CALCR: variants seen among roughly 807,000 people sequenced by gnomAD.
CALCR encodes calcitonin receptor.
CALCR carries 47 observed loss-of-function variants against 59.5 expected under a neutral mutation model. The observed-to-expected ratio is 0.79, with a 90% CI of 0.63 to 1.01. The LOEUF is 1.01. Among genes scored for constraint, CALCR ranks in the 50% least tolerant of loss-of-function variants. The pLI is 0.00. For missense variants in CALCR, 566 were observed against 597.1 expected (o/e 0.95, Z 0.54); for synonymous variants, 213 against 211.3 (o/e 1.01, Z -0.07).
chr7:93,567,095 A>G (rs1229986785), intron 2 of CALCR, among the ~76,000 whole-genome samples: 1 of 152,226 alleles, frequency 6.6e-6, no homozygotes, highest in Non-Finnish European at 1.5e-5. Flanking sequence ...ACTGAATGCT[A>G]TGTTCTGAAT....
At chr7:93,466,295 T>C (rs944838189) in intron 7 of CALCR, among the ~76,000 whole-genome samples, 5 of 151,978 alleles carry the variant, frequency 3.3e-5, no homozygotes, top group African/African-American at 1.2e-4. Context: ...GAAAAAAAAT[T>C]CTGGAAAAAA....
chr7:93,496,086 T>C (rs1584584122), intron 2 of CALCR: 2 of 602,082 alleles, frequency 3.3e-6, no homozygotes, highest in South Asian at 2.3e-5. Flanking sequence ...ATCTTTATTT[T>C]TTGTGGAAAG....
At chr7:93,464,472 C>T (rs551158714) in intron 7 of CALCR, among the ~76,000 whole-genome samples, 16 of 151,822 alleles carry the variant, frequency 1.1e-4, no homozygotes, top group East Asian at 1.9e-4. Flanking sequence ...CCTAGGATCA[C>T]GTGTTATTCA....
At chr7:93,428,827 A>T (rs1385916411) in intron 13 of CALCR, among the ~76,000 whole-genome samples, 1 of 151,520 alleles carries the variant, frequency 6.6e-6, no homozygotes, top group Non-Finnish European at 1.5e-5. Flanking sequence ...ATTTCCACGG[A>T]TTCAGCATCT....
At chr7:93,456,340 G>A (rs1386914238) in intron 8 of CALCR, among the ~76,000 whole-genome samples, 16 of 151,926 alleles carry the variant, frequency 1.1e-4, no homozygotes. Flanking sequence ...TGTTATTGGT[G>A]GCTTGTTTTC....
At chr7:93,522,066 A>G (rs1435548583) in intron 2 of CALCR, among the ~76,000 whole-genome samples, 1 of 152,156 alleles carries the variant, frequency 6.6e-6, no homozygotes, top group Non-Finnish European at 1.5e-5. Context: ...ATGTAAATGA[A>G]ACAATTTGTG....
Position 93,431,997 on chromosome 7 carries a change from T to C in CALCR, c.1191+2256A>G, listed in dbSNP as rs74543633. Among the ~76,000 whole-genome samples, 573 of 152,304 alleles carry C rather than the reference T, an allele frequency of 3.8e-3. 3 individuals are homozygous for C. The highest frequency in any genetic ancestry group is 7.0e-3 in the Non-Finnish European group (479 of 68,014). ...AATGTCCACTCACTTGGAAGAGTCA[T>C]TGTAGGAAATGCTTGATACATAAGC... On this transcript the variant is annotated intron_variant, in intron 13 of 13. Coordinates refer to ENST00000426151, the MANE Select transcript of CALCR (RefSeq NM_001742.4).
intron 2 of CALCR, among the ~76,000 whole-genome samples, chr7:93,514,404 T>C (rs1243316519): frequency 6.6e-6 from 1 of 152,002 alleles, no homozygotes; most frequent in African/African-American, 2.4e-5. Flanking sequence ...ATATGAAGGA[T>C]CCATGCTGAG....
In CALCR at chr7:93,460,568, A is replaced by ATAT. The variant is rs1205349964; in HGVS notation, c.648+252_648+253insATA. On this transcript the variant is annotated intron_variant, in intron 8 of 13. Coordinates refer to ENST00000426151, the MANE Select transcript of CALCR (RefSeq NM_001742.4). The stretch of plus-strand genomic sequence containing the variant: ...GAGACTCTATCTAAAAAAAAAAAAA[A>ATAT]AAAAATATATATATATATATATATG... Among the ~76,000 whole-genome samples the ATAT allele has an allele frequency of 3.0e-3, 241 of 79,914 alleles. 1 individual carries two copies. Among genetic ancestry groups the ATAT allele is most frequent in the African/African-American group, 5.8e-3 (64 of 10,976 alleles). The allele number at this position is 79,914 out of a possible 152,430, so 52.4% of individuals were successfully genotyped here.
At chr7:93,463,308 A>G (rs1465165590) in intron 7 of CALCR, among the ~76,000 whole-genome samples, 5 of 151,848 alleles carry the variant, frequency 3.3e-5, no homozygotes, top group African/African-American at 7.2e-5. Context: ...CTATATAAAA[A>G]TATATATATT....
intron 2 of CALCR, among the ~76,000 whole-genome samples, chr7:93,543,581 T>C (rs1563014572): frequency 6.6e-6 from 1 of 152,116 alleles, no homozygotes; most frequent in Non-Finnish European, 1.5e-5. Context: ...TCAGCTCCAT[T>C]ATAATCTTAT....
chr7:93,549,060 T>G (rs1302565067), intron 2 of CALCR, among the ~76,000 whole-genome samples: 1 of 152,166 alleles, frequency 6.6e-6, no homozygotes, highest in Admixed American at 6.6e-5. Context: ...GGAAATATAG[T>G]TAAAGCACAT....
chr7:93,574,484 C>G lies in CALCR; in HGVS notation c.-222G>C, dbSNP rs1400490082. The G allele has an allele frequency of 6.6e-6, 1 of 152,190 alleles. No homozygotes were observed. The highest frequency in any genetic ancestry group is 1.5e-5 in the Non-Finnish European group (1 of 68,066). 9.4% of individuals were successfully genotyped at this position (152,190 alleles called of 1,614,324 possible). ...CGCCAGCCGCGCGGCGCAGCCCACC[C>G]AGACGCTGGTGGGCTGGCTTTCCTA... On this transcript the variant is annotated 5_prime_UTR_variant, in exon 2 of 14. Coordinates refer to ENST00000426151, the MANE Select transcript of CALCR (RefSeq NM_001742.4).
chr7:93,424,653 A>AC lies in CALCR; in HGVS notation c.*1702dup, dbSNP rs1799484959. 1.3e-5 allele frequency: 2 copies of AC among 152,558 alleles called. No homozygotes were observed. The highest frequency in any genetic ancestry group is 6.6e-5 in the Admixed American group (1 of 15,266). The allele number at this position is 152,558 out of a possible 1,614,324, so 9.5% of individuals were successfully genotyped here. A position where few individuals can be genotyped will look rare whatever the true frequency, so the allele number is the denominator to read the frequency against. Reference sequence around the variant, plus strand: ...ATAATAAGCTATTTTGTTTTCTTCAACCCCTACTATATTAGCATAATAACA... The same window carrying AC: ...ATAATAAGCTATTTTGTTTTCTTCAACCCCCTACTATATTAGCATAATAACA... On this transcript the variant is annotated 3_prime_UTR_variant, in exon 14 of 14. Transcript: ENST00000426151.
intron 4 of CALCR, among the ~76,000 whole-genome samples, chr7:93,478,180 T>G (rs1417032695): frequency 6.6e-6 from 1 of 151,482 alleles, no homozygotes; most frequent in Non-Finnish European, 1.5e-5. Flanking sequence ...TCTCCTTTGG[T>G]CAGAGTTATG....
intron 2 of CALCR, among the ~76,000 whole-genome samples, chr7:93,554,092 C>A (rs1789532354): frequency 6.6e-6 from 1 of 152,156 alleles, no homozygotes; most frequent in Admixed American, 6.6e-5. Context: ...TTAAACCTTC[C>A]ATTGCTATAT....
chr7:93,457,511 AAG>A (rs1800231985), intron 8 of CALCR, among the ~76,000 whole-genome samples: 1 of 152,166 alleles, frequency 6.6e-6, no homozygotes, highest in Non-Finnish European at 1.5e-5. Flanking sequence ...CTCCCAAAAA[AAG>A]AAGAGAAAGA....
chr7:93,488,893 T>C (rs1434850253), intron 2 of CALCR, among the ~76,000 whole-genome samples: 2 of 151,880 alleles, frequency 1.3e-5, no homozygotes, highest in Non-Finnish European at 2.9e-5. Context: ...GGGCTTGAAC[T>C]CAGCTCTGTA....
chr7:93,529,201 G>T (rs962216720), intron 2 of CALCR, among the ~76,000 whole-genome samples: 1 of 152,006 alleles, frequency 6.6e-6, no homozygotes, highest in African/African-American at 2.4e-5. Flanking sequence ...GATTTCTCTG[G>T]CTTAGCACTA....
Sources: allele counts gnomAD v4.1 joint callset (sites outside exome capture counted in the v4.1 genomes callset), GRCh38; gene constraint gnomAD v4.1.1; transcripts MANE v1.5; gene names NCBI Gene and HGNC (gene_info 2026-07-23, HGNC 2026-07-21).